The following SPTA1 variants were observed in gnomAD, a reference collection of about 807,000 sequenced individuals.
SPTA1 encodes the protein spectrin alpha chain, erythrocytic 1.
In SPTA1, 177 loss-of-function variants were observed where a neutral mutation model predicts 324.7. The observed-to-expected ratio is 0.55, with a 90% CI of 0.48 to 0.62. The LOEUF is 0.62. Among genes scored for constraint, SPTA1 ranks in the 20% least tolerant of loss-of-function variants. The pLI, the probability that SPTA1 is intolerant of heterozygous loss-of-function variation, is 0.00. For synonymous variants in SPTA1, 1,195 were observed against 1,041.3 expected, an observed-to-expected ratio of 1.15 and a Z score of -2.84; for missense variants, 3,162 against 2,883.6, an observed-to-expected ratio of 1.10 and a Z score of -2.21.
chr1:158,674,903 G>A (rs1405486916), intron 8 of SPTA1, among the ~76,000 whole-genome samples: 1 of 152,046 alleles, frequency 6.6e-6, no homozygotes, highest in Non-Finnish European at 1.5e-5. Flanking sequence ...TGTTGCTGTG[G>A]GATGTGACCC....
At position 158,636,652 on chromosome 1, in the gene SPTA1, G is replaced by T. The variant is rs1356111138; in HGVS notation, c.5299C>A (p.Pro1767Thr). Residue 1767 changes from proline (P) to threonine (T), a missense_variant, in exon 37 of 52, where the codon CCT (proline) becomes ACT (threonine). Pro to Thr is a conservative substitution (Grantham distance 38). Transcript: ENST00000643759. Reference protein sequence around the residue: ...RLEGELVAHEPAIQNVLDMAE... With the variant: ...RLEGELVAHETAIQNVLDMAE... ...TATTCTATTCCTACCTGGATGGCAGGCTCATGGGCCACCAGCTCCCCCTCT... is the reference window on the plus strand; with the variant it reads ...TATTCTATTCCTACCTGGATGGCAGTCTCATGGGCCACCAGCTCCCCCTCT... 1.2e-6 allele frequency: 2 copies of T among 1,614,006 alleles called. No homozygotes were observed. The highest frequency in any genetic ancestry group is 8.5e-7 in the Non-Finnish European group (1 of 1,179,980).
At chr1:158,612,568 G>T in intron 51 of SPTA1, 6 of 440,544 alleles carry the variant, frequency 1.4e-5, no homozygotes, top group Non-Finnish European at 2.1e-5. Context: ...AAAAAAAAAA[G>T]AAATAGCCTT....
intron 20 of SPTA1, 83 bp downstream of exon 20, chr1:158,656,480 GA>G: frequency 7.7e-7 from 1 of 1,296,652 alleles, no homozygotes. Context: ...TGGGGTTGTA[GA>G]AAGTAAAAAA....
chr1:158,677,653 G>C, intron 7 of SPTA1, 37 bp downstream of exon 7: 1 of 1,611,136 alleles, frequency 6.2e-7, no homozygotes, highest in Non-Finnish European at 8.5e-7. Flanking sequence ...GCCTCTTCTA[G>C]CTCAACGGGT....
At chr1:158,658,008 A>G (rs966383567) in intron 18 of SPTA1, among the ~76,000 whole-genome samples, 4 of 152,200 alleles carry the variant, frequency 2.6e-5, no homozygotes, top group Non-Finnish European at 5.9e-5. Context: ...TGAAGCAGAA[A>G]AATCAGCTGA....
At chr1:158,647,809 C>T in intron 26 of SPTA1, 89 bp from the exon 27 acceptor site, 2 of 1,387,942 alleles carry the variant, frequency 1.4e-6, no homozygotes, top group Non-Finnish European at 2.0e-6. Flanking sequence ...TATTCAGCTC[C>T]TCAAATAGAT....
chr1:158,645,143 A>C, intron 29 of SPTA1, 45 bp downstream of exon 29: 1 of 1,604,944 alleles, frequency 6.2e-7, no homozygotes, highest in South Asian at 1.1e-5. Context: ...TGCATAGGAG[A>C]AACAGACTAC....
At chr1:158,621,472 G>A (rs1214855207) in intron 43 of SPTA1, among the ~76,000 whole-genome samples, 1 of 152,022 alleles carries the variant, frequency 6.6e-6, no homozygotes, top group African/African-American at 2.4e-5. Flanking sequence ...TACACAGAAA[G>A]GACACAGAAA....
rs546947604 is a variant in SPTA1, at chr1:158,648,581, A to T, written c.3642T>A (p.Asp1214Glu). 17 of 1,614,004 alleles carry T rather than the reference A, an allele frequency of 1.1e-5. No individual in the cohort carries two copies. The highest frequency in any genetic ancestry group is 1.7e-4 in the Middle Eastern group (1 of 6,056). ...QALSAADPGS[D>E]LFSVQALQRR... ...GCTGAAGAGCCTGAACACTGAACAG[A>T]TCTGAGCCAGGGTCTGCAGCACTGA... Residue 1214 changes from aspartate to glutamate, a missense_variant, in exon 26 of 52, where the codon GAT (aspartate) becomes GAA (glutamate). Asp to Glu is a conservative substitution (Grantham distance 45). Coordinates refer to ENST00000643759, the MANE Select transcript of SPTA1 (RefSeq NM_003126.4).
rs767211580 is a variant in SPTA1 at position 158,611,379 on chromosome 1, G to A, written c.7145C>T (p.Pro2382Leu). The A allele has an allele frequency of 6.2e-7, 1 of 1,613,636 alleles. No individual in the cohort carries two copies. Among genetic ancestry groups the A allele is most frequent in the Non-Finnish European group, 8.5e-7 (1 of 1,179,668 alleles). The change falls in exon 52 of 52, where the codon CCA becomes CTA. Residue 2382 changes from proline to leucine, a missense_variant. Pro to Leu is a moderately conservative substitution (Grantham distance 98). Transcript: ENST00000643759. The stretch of plus-strand genomic sequence containing the variant: ...TGTGGCACAGAATGACACTTGCTCT[G>A]GGGTAAGGGCCTGAAAAGTATAAAA... ...TKEDMKQALTPEQVSFCATHM... is the reference protein window; with the variant it reads ...TKEDMKQALTLEQVSFCATHM...
intron 24 of SPTA1, 99 bp downstream of exon 24, chr1:158,651,268 C>T: frequency 1.2e-6 from 1 of 821,600 alleles, no homozygotes; most frequent in Non-Finnish European, 2.2e-6. Flanking sequence ...TCTGCATGTT[C>T]TAGTGGGTCT....
At chr1:158,657,352 C>A (rs1032817930) in intron 19 of SPTA1, 125 bp downstream of exon 19, 1 of 989,976 alleles carries the variant, frequency 1.0e-6, no homozygotes, top group Non-Finnish European at 1.6e-6. Flanking sequence ...CCAACGGCGA[C>A]CACTCTGGAA....
At chr1:158,665,711 G>A (rs1653545638) in intron 16 of SPTA1, among the ~76,000 whole-genome samples, 2 of 152,150 alleles carry the variant, frequency 1.3e-5, no homozygotes, top group African/African-American at 4.8e-5. Context: ...CATTGGGAAA[G>A]TCACTTTACT....
intron 39 of SPTA1, among the ~76,000 whole-genome samples, chr1:158,629,333 T>G (rs559565105): frequency 2.6e-5 from 4 of 151,782 alleles, no homozygotes; most frequent in Non-Finnish European, 4.4e-5. Context: ...AATGATTATA[T>G]ACCACAAACA....
chr1:158,649,800 G>A (rs1652283461), intron 25 of SPTA1, 56 bp downstream of exon 25: 2 of 1,368,620 alleles, frequency 1.5e-6, no homozygotes, highest in Admixed American at 1.7e-5. Context: ...AATAGACTTA[G>A]AAGTTTAGTG....
At position 158,642,547 on chromosome 1, in the gene SPTA1, A is replaced by C. The variant is rs750255778; in HGVS notation, c.4606-5T>G. ...CTGGTGTTTCAGGTATTTCCTCTGA[A>C]GGGAAAATGAAACAGAAATTATATT... On this transcript the variant is annotated splice_polypyrimidine_tract_variant and splice_region_variant and intron_variant, in intron 32 of 51. Transcript: ENST00000643759. 2 of 1,613,416 alleles carry C rather than the reference A, an allele frequency of 1.2e-6. No homozygotes were observed. The highest frequency in any genetic ancestry group is 3.3e-5 in the Admixed American group (2 of 59,930).
chr1:158,632,144 C>T (rs1295869561), intron 39 of SPTA1, among the ~76,000 whole-genome samples: 1 of 152,048 alleles, frequency 6.6e-6, no homozygotes, highest in Non-Finnish European at 1.5e-5. Flanking sequence ...CAACATTTAA[C>T]AACATAGATG....
intron 4 of SPTA1, 114 bp from the exon 5 acceptor site, chr1:158,680,843 G>C (rs1654756273): frequency 7.3e-7 from 1 of 1,369,436 alleles, no homozygotes; most frequent in Non-Finnish European, 1.0e-6. Flanking sequence ...GATACTGGGG[G>C]AGACTGGGAG....
intron 49 of SPTA1, among the ~76,000 whole-genome samples, 192 bp downstream of exon 49, chr1:158,614,061 C>T (rs1649410634): frequency 6.6e-6 from 1 of 152,070 alleles, no homozygotes; most frequent in African/African-American, 2.4e-5. Flanking sequence ...AAGCATAAAA[C>T]ATTGAGAATG....
Sources: allele counts gnomAD v4.1 joint callset (sites outside exome capture counted in the v4.1 genomes callset), GRCh38; gene constraint gnomAD v4.1.1; transcripts MANE v1.5; gene names NCBI Gene and HGNC (gene_info 2026-07-23, HGNC 2026-07-21).